The following SPOPL variants were observed in gnomAD, a reference collection of about 807,000 sequenced individuals.
SPOPL encodes speckle-type POZ protein-like.
SPOPL carries 23 observed loss-of-function variants against 53.8 expected under a neutral mutation model. The ratio of observed to expected loss-of-function variants is 0.43; its 90% CI spans 0.31 to 0.61. SPOPL has a LOEUF of 0.61. Among genes scored for constraint, SPOPL ranks in the 20% least tolerant of loss-of-function variants. The pLI is 0.12. For synonymous variants in SPOPL, 164 were observed against 149.7 expected, an observed-to-expected ratio of 1.10 and a Z score of -0.70; for missense variants, 442 against 466.9, an observed-to-expected ratio of 0.95 and a Z score of 0.49.
rs142661813 is a variant in SPOPL at position 138,571,661 on chromosome 2, A to C, written c.*2581A>C. ...TTCTCCTCATTTTTAAACTGCATAC[A>C]TTACTTTCAAAATAGGTATAGATAC... is the stretch of plus-strand genomic sequence containing the variant. On this transcript the variant is annotated 3_prime_UTR_variant, in exon 11 of 11. Transcript: ENST00000280098. 5.9e-5 allele frequency: 9 copies of C among 152,608 alleles called. No individual in the cohort carries two copies. In the East Asian group the frequency reaches 1.4e-3, roughly 23 times the overall value. The allele number at this position is 152,608 out of a possible 1,614,324, so 9.5% of individuals were successfully genotyped here.
chr2:138,565,451 A>T (rs1379431350), intron 10 of SPOPL, among the ~76,000 whole-genome samples: 1 of 152,188 alleles, frequency 6.6e-6, no homozygotes, highest in Non-Finnish European at 1.5e-5. Flanking sequence ...AATAGTCCAA[A>T]AATGGTAGCA....
chr2:138,540,605 T>C (rs1685048802), intron 1 of SPOPL, among the ~76,000 whole-genome samples: 1 of 152,200 alleles, frequency 6.6e-6, no homozygotes, highest in Non-Finnish European at 1.5e-5. Flanking sequence ...ATCCTGAGAC[T>C]TTGCTGAAGT....
intron 7 of SPOPL, among the ~76,000 whole-genome samples, chr2:138,560,514 C>T (rs1292542444): frequency 2.0e-5 from 3 of 151,324 alleles, no homozygotes; most frequent in African/African-American, 7.3e-5. Flanking sequence ...TGGTGCTTGG[C>T]TTGGTCTGAA....
rs1214320665 is a variant in SPOPL, at chr2:138,559,003, G to T, written c.481-19G>T. The T allele has an allele frequency of 6.5e-7, 1 of 1,547,036 alleles. No individual in the cohort carries two copies. ...ATTACTTTGTGAAAGTGTTTTTCTT[G>T]CTGTCCCTTTTTTATTAGGTGAGTG... On this transcript the variant is annotated intron_variant, in intron 5 of 10. Coordinates refer to ENST00000280098, the MANE Select transcript of SPOPL (RefSeq NM_001001664.3).
At chr2:138,560,777 AC>A in intron 7 of SPOPL, 27 bp from the exon 8 acceptor site, 1 of 1,556,366 alleles carries the variant, frequency 6.4e-7, no homozygotes, top group Non-Finnish European at 8.6e-7. Context: ...TTTTTTTTTA[AC>A]ATTTTTGTGT....
Position 138,559,273 on chromosome 2 carries a change from TTG to T in SPOPL, c.659-7_659-6del. ...ATGCATAAAATAATGATACATAATCTTGTTACAGCTCGATCTCCAGTTTTTAA... is the reference window on the plus strand; with the variant it reads ...ATGCATAAAATAATGATACATAATCTTTACAGCTCGATCTCCAGTTTTTAA... On this transcript the variant is annotated splice_polypyrimidine_tract_variant and splice_region_variant and intron_variant, in intron 6 of 10. Coordinates refer to ENST00000280098, the MANE Select transcript of SPOPL (RefSeq NM_001001664.3). 2 of 1,612,856 alleles carry T rather than the reference TTG, an allele frequency of 1.2e-6. No homozygotes were observed. The highest frequency in any genetic ancestry group is 1.7e-6 in the Non-Finnish European group (2 of 1,179,534).
chr2:138,544,973 C>T (rs897326748), intron 1 of SPOPL, among the ~76,000 whole-genome samples: 1 of 152,186 alleles, frequency 6.6e-6, no homozygotes, highest in African/African-American at 2.4e-5. Flanking sequence ...AGCTTTTATT[C>T]CCCAGCTTCT....
chr2:138,532,328 C>T (rs987901594), intron 1 of SPOPL, among the ~76,000 whole-genome samples: 1 of 151,776 alleles, frequency 6.6e-6, no homozygotes, highest in East Asian at 1.9e-4. Flanking sequence ...TGTGGATTCT[C>T]GCTCTTGCAT....
intron 10 of SPOPL, among the ~76,000 whole-genome samples, chr2:138,568,414 T>C (rs1471853067): frequency 6.6e-6 from 1 of 152,036 alleles, no homozygotes; most frequent in African/African-American, 2.4e-5. Context: ...AATCCTGAAT[T>C]TATGGGTCTT....
chr2:138,526,701 G>T (rs1267751828), intron 1 of SPOPL, among the ~76,000 whole-genome samples: 2 of 150,808 alleles, frequency 1.3e-5, no homozygotes. Context: ...CCTTTATTTG[G>T]TCCTCATTCT....
chr2:138,539,686 C>G (rs1019618598), intron 1 of SPOPL, among the ~76,000 whole-genome samples: 4 of 152,076 alleles, frequency 2.6e-5, no homozygotes, highest in Admixed American at 6.5e-5. Context: ...AACATTTTCT[C>G]CCATTCTGTA....
Position 138,530,063 on chromosome 2 carries a change from A to G in SPOPL, c.-60-20094A>G, listed in dbSNP as rs1684773858. Among the ~76,000 whole-genome samples the G allele has an allele frequency of 2.0e-5, 3 of 152,194 alleles. No homozygotes were observed. In the South Asian group the frequency reaches 6.2e-4, roughly 32 times the overall value. ...TTTTAGCTGCCACTTACAAGTGAGA[A>G]CCTGTGGTATTTGGTTTTCTGTTCC... On this transcript the variant is annotated intron_variant, in intron 1 of 10. Transcript: ENST00000280098.
intron 1 of SPOPL, among the ~76,000 whole-genome samples, chr2:138,536,049 CTAATTA>C (rs1305798729): frequency 6.6e-6 from 1 of 152,136 alleles, no homozygotes; most frequent in East Asian, 1.9e-4. Context: ...ATACCTTCCT[CTAATTA>C]TGATTTCCTT....
intron 1 of SPOPL, among the ~76,000 whole-genome samples, chr2:138,520,645 T>G (rs1337270161): frequency 2.0e-5 from 3 of 152,158 alleles, no homozygotes; most frequent in African/African-American, 7.2e-5. Flanking sequence ...TACATTAGTG[T>G]AGGTTCCCCC....
intron 1 of SPOPL, among the ~76,000 whole-genome samples, chr2:138,536,323 G>T (rs896192260): frequency 1.3e-5 from 2 of 149,434 alleles, no homozygotes; most frequent in African/African-American, 5.0e-5. Context: ...CTGTTTTAGT[G>T]GAGTCTATTT....
chr2:138,510,276 G>A (rs1684299133), intron 1 of SPOPL, among the ~76,000 whole-genome samples: 1 of 152,320 alleles, frequency 6.6e-6, no homozygotes, highest in African/African-American at 2.4e-5. Context: ...AGTACGTTTA[G>A]TTTTGTAGGA....
intron 1 of SPOPL, among the ~76,000 whole-genome samples, chr2:138,525,656 G>GAAAAAAAAAA (rs71406327): frequency 2.0e-4 from 6 of 30,000 alleles, no homozygotes; most frequent in African/African-American, 3.9e-4. Flanking sequence ...ATAAAAAGTA[G>GAAAAAAAAAA]AAAAAAAAAA....
intron 1 of SPOPL, among the ~76,000 whole-genome samples, chr2:138,542,606 C>T (rs537218754): frequency 6.6e-6 from 1 of 152,192 alleles, no homozygotes; most frequent in Admixed American, 6.5e-5. Context: ...TCCTCCATCC[C>T]TTTATTTTGA....
intron 1 of SPOPL, among the ~76,000 whole-genome samples, chr2:138,511,429 T>C (rs149407707): frequency 0.011 from 1,658 of 152,308 alleles, 33 homozygotes; most frequent in African/African-American, 0.037. Context: ...CAAATTTCCT[T>C]ATAGATTATT....
Sources: gnomAD v4.1 joint callset for allele counts (sites outside exome capture counted in the v4.1 genomes callset) on GRCh38, gnomAD v4.1.1 for gene constraint, MANE v1.5 for transcripts, NCBI Gene and HGNC (gene_info 2026-07-23, HGNC 2026-07-21) for gene names.